The following NCAM1 variants were observed in gnomAD, a reference collection of about 807,000 sequenced individuals.
NCAM1 encodes the protein neural cell adhesion molecule 1.
In NCAM1, 14 loss-of-function variants were observed where a neutral mutation model predicts 109.8. The observed-to-expected ratio is 0.13, with a 90% CI of 0.08 to 0.20. The LOEUF (loss-of-function observed/expected upper bound fraction) is 0.20, where lower values mean the gene tolerates loss of function less well. Ranked by LOEUF, NCAM1 falls within the 10% of genes least tolerant of loss-of-function variation. The pLI, the probability that NCAM1 is intolerant of heterozygous loss-of-function variation, is 1.00. For missense variants in NCAM1, 774 were observed against 1,109.9 expected (o/e 0.70, Z 4.30); for synonymous variants, 418 against 442.9 (o/e 0.94, Z 0.70).
At chr11:113,083,487 C>T (rs186004698) in intron 1 of NCAM1, among the ~76,000 whole-genome samples, 69 of 152,130 alleles carry the variant, frequency 4.5e-4, no homozygotes, top group African/African-American at 1.4e-3. Context: ...CTACTTGGGC[C>T]ATTGAATTTA....
At chr11:113,093,706 A>G (rs530633206) in intron 1 of NCAM1, among the ~76,000 whole-genome samples, 10 of 152,356 alleles carry the variant, frequency 6.6e-5, no homozygotes, top group African/African-American at 1.7e-4. Context: ...AATCAGGTAC[A>G]TGGAAGTCAT....
At chr11:112,980,647 G>T (rs2155291) in intron 1 of NCAM1, among the ~76,000 whole-genome samples, 20,490 of 151,596 alleles carry the variant, frequency 0.14, 1,428 homozygotes, top group African/African-American at 0.15. Context: ...GAGGGTACAG[G>T]TGGTTTTTTG....
At chr11:113,242,880 C>T in intron 14 of NCAM1, 1 of 1,613,698 alleles carries the variant, frequency 6.2e-7, no homozygotes, top group Non-Finnish European at 8.5e-7. Flanking sequence ...TCGGCCAGAC[C>T]TCTGATCGCT....
chr11:113,157,876 T>C (rs1441698560), intron 1 of NCAM1, among the ~76,000 whole-genome samples: 1 of 151,970 alleles, frequency 6.6e-6, no homozygotes, highest in African/African-American at 2.4e-5. Context: ...TACCCTTCAA[T>C]AGAAATGTAT....
At chr11:113,101,712 C>T (rs140759884) in intron 1 of NCAM1, among the ~76,000 whole-genome samples, 4 of 152,168 alleles carry the variant, frequency 2.6e-5, no homozygotes, top group African/African-American at 9.7e-5. Flanking sequence ...ATAGTTAACA[C>T]CTGCAGTGTT....
intron 1 of NCAM1, among the ~76,000 whole-genome samples, chr11:112,995,707 G>A (rs1555071320): frequency 6.6e-6 from 1 of 152,186 alleles, no homozygotes; most frequent in African/African-American, 2.4e-5. Flanking sequence ...GAGCAACTCT[G>A]CATAGTTTTT....
At chr11:113,154,109 A>G (rs1032495340) in intron 1 of NCAM1, among the ~76,000 whole-genome samples, 1 of 152,248 alleles carries the variant, frequency 6.6e-6, no homozygotes, top group Admixed American at 6.5e-5. Flanking sequence ...AATGTAGGAC[A>G]CTTGCCACAA....
chr11:113,061,673 C>T (rs184180467), intron 1 of NCAM1, among the ~76,000 whole-genome samples: 52 of 152,294 alleles, frequency 3.4e-4, no homozygotes, highest in Non-Finnish European at 4.4e-4. Flanking sequence ...TCCTGTCCCC[C>T]GTATGTGTAA....
At chr11:113,134,511 A>T (rs782794266) in intron 1 of NCAM1, among the ~76,000 whole-genome samples, 1 of 152,104 alleles carries the variant, frequency 6.6e-6, no homozygotes, top group Non-Finnish European at 1.5e-5. Flanking sequence ...CCAAAAGTCA[A>T]TTTTCACTGT....
chr11:113,014,358 C>T (rs1387941195), intron 1 of NCAM1, among the ~76,000 whole-genome samples: 1 of 152,044 alleles, frequency 6.6e-6, no homozygotes, highest in Non-Finnish European at 1.5e-5. Context: ...CTTAGTCCTG[C>T]AGAGGGCCAG....
intron 11 of NCAM1, 27 bp from the exon 12 acceptor site, chr11:113,232,691 T>C: frequency 1.3e-6 from 2 of 1,564,422 alleles, no homozygotes; most frequent in South Asian, 1.1e-5. Flanking sequence ...AGGACACTTG[T>C]AACCCAATAG....
At chr11:113,092,596 A>G (rs758903028) in intron 1 of NCAM1, among the ~76,000 whole-genome samples, 1 of 152,198 alleles carries the variant, frequency 6.6e-6, no homozygotes, top group Non-Finnish European at 1.5e-5. Context: ...CAATTATATG[A>G]AAGTCTATTA....
intron 1 of NCAM1, among the ~76,000 whole-genome samples, chr11:113,172,282 C>A (rs1555106370): frequency 6.6e-6 from 1 of 152,222 alleles, no homozygotes; most frequent in South Asian, 2.1e-4. Flanking sequence ...TGTTCACATA[C>A]TTTTAGCAGG....
chr11:113,187,504 A>T (rs992484741), intron 1 of NCAM1, among the ~76,000 whole-genome samples: 2 of 151,604 alleles, frequency 1.3e-5, no homozygotes, highest in Admixed American at 1.3e-4. Flanking sequence ...CTCACAGTCC[A>T]GTGAGTTTTG....
chr11:112,977,667 A>G (rs1286230809), intron 1 of NCAM1, among the ~76,000 whole-genome samples: 1 of 151,900 alleles, frequency 6.6e-6, no homozygotes, highest in African/African-American at 2.4e-5. Flanking sequence ...GTCATTGTTT[A>G]CAAAATACTG....
At chr11:112,985,975 C>T (rs1951290974) in intron 1 of NCAM1, among the ~76,000 whole-genome samples, 1 of 151,938 alleles carries the variant, frequency 6.6e-6, no homozygotes, top group Non-Finnish European at 1.5e-5. Context: ...GAATAGGCAT[C>T]CATATCTTGT....
Position 113,207,290 on chromosome 11 carries a change from A to G in NCAM1, c.658A>G (p.Ile220Val), listed in dbSNP as rs1555113013. The change falls in exon 6 of 20, where the codon ATT (isoleucine) becomes GTT (valine). Residue 220 changes from isoleucine to valine, a missense_variant. Transcript: ENST00000316851. ...VPPTIQARQN[I>V]VNATANLGQS... is the part of the protein sequence containing the mutation. ...ACCTACCATCCAGGCCAGGCAGAAT[A>G]TTGTGAATGCCACCGCCAACCTCGG... The G allele has an allele frequency of 4.3e-6, 7 of 1,613,836 alleles. No homozygotes were observed. In the Admixed American group the frequency reaches 1.2e-4, roughly 27 times the overall value.
At chr11:113,232,884 G>A (rs1371592124) in intron 12 of NCAM1, 70 bp downstream of exon 12, 4 of 1,335,030 alleles carry the variant, frequency 3.0e-6, no homozygotes, top group Admixed American at 3.5e-5. Flanking sequence ...CCCAATTTGT[G>A]TACTTGAGTG....
chr11:113,232,922 G>A (rs1472693517), intron 12 of NCAM1, 108 bp downstream of exon 12: 18 of 1,112,020 alleles, frequency 1.6e-5, no homozygotes, highest in Non-Finnish European at 2.4e-5. Flanking sequence ...AGAAGAAAGG[G>A]CCAGGGTCAG....
Sources: allele counts gnomAD v4.1 joint callset (sites outside exome capture counted in the v4.1 genomes callset), GRCh38; gene constraint gnomAD v4.1.1; transcripts MANE v1.5; gene names NCBI Gene and HGNC (gene_info 2026-07-23, HGNC 2026-07-21).